The following DPYSL3 variants were observed in gnomAD, a reference collection of about 807,000 sequenced individuals.
DPYSL3 encodes the protein dihydropyrimidinase-related protein 3.
A neutral mutation model predicts 66.1 loss-of-function variants in DPYSL3; 16 were observed. That is an observed-to-expected ratio of 0.24 (90% CI 0.16 to 0.37). The LOEUF (loss-of-function observed/expected upper bound fraction) is 0.37. DPYSL3 is among the 10% of genes least tolerant of loss of function. The pLI is 1.00. For missense variants in DPYSL3, 738 were observed against 916.2 expected, an observed-to-expected ratio of 0.81 and a Z score of 2.51; for synonymous variants, 338 against 345.1, an observed-to-expected ratio of 0.98 and a Z score of 0.23.
chr5:147,422,631 G>T (rs1752104117), intron 2 of DPYSL3, among the ~76,000 whole-genome samples: 1 of 152,018 alleles, frequency 6.6e-6, no homozygotes, highest in African/African-American at 2.4e-5. Flanking sequence ...ACTGGATAAG[G>T]AAAATGTGGC....
Position 147,401,100 on chromosome 5 carries a change from A to G in DPYSL3, c.1311-267T>C, listed in dbSNP as rs1352461206. On this transcript the variant is annotated intron_variant, in intron 9 of 13. Transcript: ENST00000343218. ...CTCAAATGAGCAATGTCATGATCCT[A>G]TATGTCTGCAGAGGGCAGCAACAAA... Among the ~76,000 whole-genome samples, 7 of 152,196 alleles carry G rather than the reference A, an allele frequency of 4.6e-5. No individual in the cohort carries two copies. The East Asian group carries it at 9.6e-4, about 21-fold the overall frequency.
intron 10 of DPYSL3, among the ~76,000 whole-genome samples, chr5:147,399,761 C>G (rs1289593871): frequency 1.3e-5 from 2 of 152,158 alleles, no homozygotes; most frequent in African/African-American, 4.8e-5. Context: ...CTTTACTGAG[C>G]ATGTGTCATG....
chr5:147,423,594 G>A (rs981491032), intron 2 of DPYSL3, among the ~76,000 whole-genome samples: 2 of 152,084 alleles, frequency 1.3e-5, no homozygotes, highest in African/African-American at 4.8e-5. Context: ...ATTGGGATGT[G>A]GAATAAACAA....
intron 1 of DPYSL3, among the ~76,000 whole-genome samples, chr5:147,495,507 T>A (rs1012314027): frequency 6.6e-6 from 1 of 152,158 alleles, no homozygotes; most frequent in African/African-American, 2.4e-5. Flanking sequence ...CCCCATCGTC[T>A]CAGCCCAAAA....
In DPYSL3 at chr5:147,401,544, C is replaced by A; in HGVS notation, c.1306G>T (p.Ala436Ser). 1 of 1,611,420 alleles carries A rather than the reference C, an allele frequency of 6.2e-7. No individual in the cohort carries two copies. Among genetic ancestry groups the A allele is most frequent in the African/African-American group, 1.3e-5 (1 of 74,954 alleles). The change falls in exon 9 of 14, where the codon GCC becomes TCC. Residue 436 changes from alanine (A) to serine (S), a missense_variant. Ala to Ser is a moderately conservative substitution (Grantham distance 99). Transcript: ENST00000343218. ...GCTGGGCATTCCTGCACCAACCTGG[C>A]CAGCAAGGAGTTGATGTAGTCCGGA... The part of the protein sequence containing the change: ...TTPDYINSLL[A>S]SGDLQLSGSA...
chr5:147,450,377 T>C (rs1418274529), intron 1 of DPYSL3, among the ~76,000 whole-genome samples: 1 of 152,200 alleles, frequency 6.6e-6, no homozygotes, highest in Non-Finnish European at 1.5e-5. Context: ...TGATAATCAT[T>C]ATGTATCTGT....
intron 12 of DPYSL3, among the ~76,000 whole-genome samples, chr5:147,396,150 G>A (rs10042993): frequency 0.19 from 28,863 of 151,954 alleles, 3,200 homozygotes; most frequent in African/African-American, 0.3. Flanking sequence ...GTCATGACAC[G>A]AGGTCGCAGG....
chr5:147,429,303 C>G (rs888102690), intron 1 of DPYSL3, among the ~76,000 whole-genome samples: 2 of 152,266 alleles, frequency 1.3e-5, no homozygotes, highest in South Asian at 2.1e-4. Context: ...TCTAGGCATA[C>G]CAGCTGGCAA....
intron 8 of DPYSL3, among the ~76,000 whole-genome samples, chr5:147,404,223 T>C (rs6886313): frequency 0.035 from 5,257 of 152,194 alleles, 306 homozygotes; most frequent in African/African-American, 0.11. Context: ...TCCATGTCAG[T>C]TGAAACTTCT....
intron 1 of DPYSL3, among the ~76,000 whole-genome samples, chr5:147,433,039 A>G (rs1038826203): frequency 6.6e-6 from 1 of 152,220 alleles, no homozygotes. Context: ...ATCTACTCAG[A>G]AGATTTGAAA....
At chr5:147,456,191 A>T (rs1752850004) in intron 1 of DPYSL3, among the ~76,000 whole-genome samples, 2 of 152,218 alleles carry the variant, frequency 1.3e-5, no homozygotes, top group African/African-American at 4.8e-5. Context: ...AATTTGAAGG[A>T]AAAAGCCTTC....
At chr5:147,449,309 A>G (rs1752683985) in intron 1 of DPYSL3, among the ~76,000 whole-genome samples, 1 of 152,200 alleles carries the variant, frequency 6.6e-6, no homozygotes, top group African/African-American at 2.4e-5. Context: ...TTCAAGGGAG[A>G]TCACAGAGCT....
Position 147,488,053 on chromosome 5 carries a change from G to A in DPYSL3, c.381+21425C>T, listed in dbSNP as rs185441888. 8.7e-3 allele frequency among the ~76,000 whole-genome samples: 1,326 copies of A among 152,138 alleles called. 10 individuals carry two copies. Among genetic ancestry groups the A allele is most frequent in the Non-Finnish European group, 0.014 (969 of 67,998 alleles). The stretch of plus-strand genomic sequence containing the variant: ...TTTTTTTCCTTCTCACTTAATATCC[G>A]TTTATCACACAACTTTCCATTTCAT... On this transcript the variant is annotated intron_variant, in intron 1 of 13. Coordinates refer to ENST00000343218, the MANE Select transcript of DPYSL3 (RefSeq NM_001197294.2).
Position 147,430,439 on chromosome 5 carries a change from G to T in DPYSL3, c.382-5476C>A, listed in dbSNP as rs184738036. ...GCAGGAGAATCACTTGAACCTGGGA[G>T]GCAGAGATTGCAGTGAGCCAAGATC... is the stretch of plus-strand genomic sequence containing the variant. On this transcript the variant is annotated intron_variant, in intron 1 of 13. Transcript: ENST00000343218. 2.9e-3 allele frequency among the ~76,000 whole-genome samples: 444 copies of T among 151,648 alleles called. 1 individual carries two copies. The highest frequency in any genetic ancestry group is 0.01 in the African/African-American group (431 of 41,344).
chr5:147,463,002 C>T lies in DPYSL3; in HGVS notation c.382-38039G>A, dbSNP rs1295597075. 3.3e-5 allele frequency among the ~76,000 whole-genome samples: 5 copies of T among 152,138 alleles called. No homozygotes were observed. In the East Asian group the frequency reaches 9.6e-4, roughly 29 times the overall value. On this transcript the variant is annotated intron_variant, in intron 1 of 13. Transcript: ENST00000343218. ...CAGCACAAGGTTCTGTCAGGTTCAA[C>T]ATGTTATAAGAACAGGTGGACCTAG... is the stretch of plus-strand genomic sequence containing the variant.
At chr5:147,480,299 C>T (rs1753216453) in intron 1 of DPYSL3, among the ~76,000 whole-genome samples, 1 of 152,202 alleles carries the variant, frequency 6.6e-6, no homozygotes, top group Non-Finnish European at 1.5e-5. Flanking sequence ...GAGATCCCTC[C>T]TCCAAAATCT....
At chr5:147,473,986 G>A (rs1461790896) in intron 1 of DPYSL3, among the ~76,000 whole-genome samples, 1 of 152,028 alleles carries the variant, frequency 6.6e-6, no homozygotes, top group Admixed American at 6.6e-5. Context: ...TATTTTCATA[G>A]GTGAAAAGGC....
chr5:147,447,740 C>T (rs1015842153), intron 1 of DPYSL3, among the ~76,000 whole-genome samples: 10 of 152,144 alleles, frequency 6.6e-5, no homozygotes, highest in African/African-American at 2.4e-4. Context: ...CATGGTGGCA[C>T]ATGTCTGTAA....
At chr5:147,436,191 A>G (rs1752412525) in intron 1 of DPYSL3, among the ~76,000 whole-genome samples, 1 of 152,234 alleles carries the variant, frequency 6.6e-6, no homozygotes, top group Non-Finnish European at 1.5e-5. Context: ...CAGGGTAGAC[A>G]AAGGTGGAGA....
Sources: allele counts gnomAD v4.1 joint callset (sites outside exome capture counted in the v4.1 genomes callset), GRCh38; gene constraint gnomAD v4.1.1; transcripts MANE v1.5; gene names NCBI Gene and HGNC (gene_info 2026-07-23, HGNC 2026-07-21).